Variants in SARM1 observed in about 807,000 individuals in gnomAD.
The protein encoded by SARM1 is NAD(+) hydrolase SARM1.
SARM1 carries 60 observed loss-of-function variants against 65.1 expected under a neutral mutation model. The ratio of observed to expected loss-of-function variants is 0.92; its 90% CI spans 0.75 to 1.14. The LOEUF (loss-of-function observed/expected upper bound fraction) is 1.14, where lower values mean the gene tolerates loss of function less well. Ranked by LOEUF, SARM1 falls within the 50% of genes most tolerant of loss-of-function variation. The pLI, the probability that SARM1 is intolerant of heterozygous loss-of-function variation, is 0.00. For synonymous variants in SARM1, 417 were observed against 465.4 expected (o/e 0.90, Z 1.34); for missense variants, 913 against 1,015.7 (o/e 0.90, Z 1.37).
Position 28,385,570 on chromosome 17 carries a change from C to A in SARM1, c.1630+295C>A. ...AGCACAGAGGAAGCCCAGCCCACCCCATCCACCCAGGTCTAGATTTCAGAG... is the reference window on the plus strand; with the variant it reads ...AGCACAGAGGAAGCCCAGCCCACCCAATCCACCCAGGTCTAGATTTCAGAG... On this transcript the variant is annotated intron_variant, in intron 5 of 8. Coordinates refer to ENST00000585482, the MANE Select transcript of SARM1 (RefSeq NM_015077.4). The surrounding 1 kb of genome is among the most constrained non-coding windows in gnomAD (Gnocchi z 4.5). The A allele has an allele frequency of 2.1e-6, 1 of 471,302 alleles. No individual in the cohort carries two copies. Among genetic ancestry groups the A allele is most frequent in the Non-Finnish European group, 3.8e-6 (1 of 265,616 alleles). The allele number at this position is 471,302 out of a possible 1,614,324, so 29.2% of individuals were successfully genotyped here. A position where few individuals can be genotyped will look rare whatever the true frequency, so the allele number is the denominator to read the frequency against.
In SARM1 at chr17:28,385,576, C is replaced by T. The variant is rs7218131; in HGVS notation, c.1630+301C>T. 45,361 of 453,030 alleles carry T rather than the reference C, an allele frequency of 0.1. 2,750 individuals are homozygous for T. Among genetic ancestry groups the T allele is most frequent in the East Asian group, 0.18 (4,506 of 24,732 alleles). The allele number at this position is 453,030 out of a possible 1,614,324, so 28.1% of individuals were successfully genotyped here. ...GAGGAAGCCCAGCCCACCCCATCCA[C>T]CCAGGTCTAGATTTCAGAGAGGACA... On this transcript the variant is annotated intron_variant, in intron 5 of 8. Transcript: ENST00000585482. The surrounding 1 kb of genome is among the most constrained non-coding windows in gnomAD (Gnocchi z 4.5).
chr17:28,388,594 T>C, intron 7 of SARM1, 55 bp downstream of exon 7: 2 of 1,546,542 alleles, frequency 1.3e-6, no homozygotes, highest in Admixed American at 1.7e-5. Context: ...GTCCAGAAGA[T>C]AGGGTCGTCT....
chr17:28,382,041 G>C (rs2068027858), intron 2 of SARM1, among the ~76,000 whole-genome samples: 1 of 152,158 alleles, frequency 6.6e-6, no homozygotes, highest in African/African-American at 2.4e-5. Context: ...TTTAAGCAAG[G>C]GGACACTTGT....
At position 28,399,814 on chromosome 17, in the gene SARM1, A is replaced by G; in HGVS notation, c.*3528A>G. Reference sequence around the variant, plus strand: ...TTTACTGGGGTGGGCTGGTCCAGGTAGCTCTCCTGAACCTCCTCCTTCCCC... The same window carrying G: ...TTTACTGGGGTGGGCTGGTCCAGGTGGCTCTCCTGAACCTCCTCCTTCCCC... On this transcript the variant is annotated 3_prime_UTR_variant, in exon 9 of 9. Transcript: ENST00000585482. The G allele has an allele frequency of 8.2e-7, 1 of 1,221,242 alleles. No homozygotes were observed. The highest frequency in any genetic ancestry group is 1.9e-4 in the Middle Eastern group (1 of 5,366). The allele number at this position is 1,221,242 out of a possible 1,614,324, so 75.7% of individuals were successfully genotyped here.
intron 1 of SARM1, among the ~76,000 whole-genome samples, chr17:28,378,630 GTTTTTGT>G (rs1175952331): frequency 1.3e-5 from 2 of 150,842 alleles, no homozygotes; most frequent in Non-Finnish European, 2.9e-5. Flanking sequence ...TTTTGTTTTT[GTTTTTGT>G]TTTTTGTTTT....
At chr17:28,390,878 C>G (rs1422511144) in intron 7 of SARM1, among the ~76,000 whole-genome samples, 2 of 152,202 alleles carry the variant, frequency 1.3e-5, no homozygotes, top group Non-Finnish European at 2.9e-5. Context: ...CATCTTGGTA[C>G]TGCTTTCTCC....
rs1375565898 is a variant in SARM1 at position 28,384,093 on chromosome 17, A to G, written c.1090-264A>G. Among the ~76,000 whole-genome samples the G allele has an allele frequency of 6.6e-6, 1 of 152,206 alleles. No homozygotes were observed. Among genetic ancestry groups the G allele is most frequent in the Non-Finnish European group, 1.5e-5 (1 of 68,040 alleles). On this transcript the variant is annotated intron_variant, in intron 2 of 8. Transcript: ENST00000585482. The surrounding 1 kb of genome is among the most constrained non-coding windows in gnomAD (Gnocchi z 4.4). ...TATGCTGAGAGCTCAACTTTATTCC[A>G]GGGCCGGTGGATGCTGTAGAAGGGA... is the stretch of plus-strand genomic sequence containing the variant.
rs2068027205 is a variant in SARM1 at position 28,381,840 on chromosome 17, T to C, written c.1089+19T>C. 3 of 1,424,166 alleles carry C rather than the reference T, an allele frequency of 2.1e-6. No homozygotes were observed. Among genetic ancestry groups the C allele is most frequent in the South Asian group, 1.5e-5 (1 of 65,104 alleles). The allele number at this position is 1,424,166 out of a possible 1,614,324, so 88.2% of individuals were successfully genotyped here. On this transcript the variant is annotated intron_variant, in intron 2 of 8. Coordinates refer to ENST00000585482, the MANE Select transcript of SARM1 (RefSeq NM_015077.4). ...GACCAAGGTGGGTGCAGATGTGGGGTTGGGTGGATCAGGGGTTAGAGAGCC... is the reference window on the plus strand; with the variant it reads ...GACCAAGGTGGGTGCAGATGTGGGGCTGGGTGGATCAGGGGTTAGAGAGCC...
At position 28,399,846 on chromosome 17, in the gene SARM1, A is replaced by G; in HGVS notation, c.*3560A>G. The G allele has an allele frequency of 1.2e-6, 1 of 851,640 alleles. No individual in the cohort carries two copies. The highest frequency in any genetic ancestry group is 2.0e-6 in the Non-Finnish European group (1 of 505,334). The allele number at this position is 851,640 out of a possible 1,614,324, so 52.8% of individuals were successfully genotyped here. On this transcript the variant is annotated 3_prime_UTR_variant, in exon 9 of 9. Transcript: ENST00000585482. ...CTGAACCTCCTCCTTCCCCAAGCTGAGAAGCTGAGAGCTGGAGGACAATAT... is the reference window on the plus strand; with the variant it reads ...CTGAACCTCCTCCTTCCCCAAGCTGGGAAGCTGAGAGCTGGAGGACAATAT...
Position 28,385,132 on chromosome 17 carries a change from C to T in SARM1, c.1487C>T (p.Pro496Leu). Residue 496 changes from proline to leucine, a missense_variant, in exon 5 of 9, where the codon CCG becomes CTG. Pro to Leu is a moderately conservative substitution (Grantham distance 98, BLOSUM62 -3). Coordinates refer to ENST00000585482, the MANE Select transcript of SARM1 (RefSeq NM_015077.4). This position sits in a 1 kb window ranked among gnomAD's most constrained non-coding sequence, Gnocchi z 4.5. ...GCGGACTGGCTGGGCAGCCTGGACC[C>T]GCGCTTCCGCCAGTACACCTACGGC... ...NLADWLGSLD[P>L]RFRQYTYGLV... 1 of 1,613,466 alleles carries T rather than the reference C, an allele frequency of 6.2e-7. No homozygotes were observed. The highest frequency in any genetic ancestry group is 8.5e-7 in the Non-Finnish European group (1 of 1,179,844).
chr17:28,381,390 C>G lies in SARM1; in HGVS notation c.658C>G (p.Pro220Ala). The G allele has an allele frequency of 6.4e-7, 1 of 1,557,598 alleles. No homozygotes were observed. Residue 220 changes from proline (P) to alanine (A), a missense_variant, in exon 2 of 9, where the codon CCC becomes GCC. Transcript: ENST00000585482. ...GCTGTATTGGTGCCGCCGCACGGACCCCGCGCTGCTGCGCCACTGCGCGCT... is the reference window on the plus strand; with the variant it reads ...GCTGTATTGGTGCCGCCGCACGGACGCCGCGCTGCTGCGCCACTGCGCGCT... ...AVLYWCRRTD[P>A]ALLRHCALAL... is the part of the protein sequence containing the mutation.
chr17:28,400,696 T>C lies in SARM1; in HGVS notation c.*4410T>C, dbSNP rs782352629. The C allele has an allele frequency of 7.4e-6, 12 of 1,611,144 alleles. No homozygotes were observed. In the South Asian group the frequency reaches 1.1e-4, roughly 15 times the overall value. The stretch of plus-strand genomic sequence containing the variant: ...TAAAGTTCAGAGTGGCTGGGTAGAG[T>C]GAGTTGAAGATGCCGGAGGCCGTCA... On this transcript the variant is annotated 3_prime_UTR_variant, in exon 9 of 9. Transcript: ENST00000585482.
At position 28,400,804 on chromosome 17, in the gene SARM1, G is replaced by C. The variant is rs1353158682; in HGVS notation, c.*4518G>C. 1.3e-6 allele frequency: 2 copies of C among 1,544,084 alleles called. No homozygotes were observed. Among genetic ancestry groups the C allele is most frequent in the African/African-American group, 2.7e-5 (2 of 72,896 alleles). The stretch of plus-strand genomic sequence containing the variant: ...AAATACCATACTCTGGAGTCCGAAA[G>C]GGCCATATTCCAACTCTGGCACCAC... On this transcript the variant is annotated 3_prime_UTR_variant, in exon 9 of 9. Coordinates refer to ENST00000585482, the MANE Select transcript of SARM1 (RefSeq NM_015077.4).
chr17:28,400,221 A>G lies in SARM1; in HGVS notation c.*3935A>G, dbSNP rs1217464676. 4.2e-5 allele frequency: 11 copies of G among 260,196 alleles called. No homozygotes were observed. Among genetic ancestry groups the G allele is most frequent in the African/African-American group, 2.4e-4 (11 of 45,086 alleles). The allele number at this position is 260,196 out of a possible 1,614,324, so 16.1% of individuals were successfully genotyped here. ...TGAAATATAATTCTTAATATCATAC[A>G]GGAAAAAGTCAGCGGGTCAAGCTAG... On this transcript the variant is annotated 3_prime_UTR_variant, in exon 9 of 9. Coordinates refer to ENST00000585482, the MANE Select transcript of SARM1 (RefSeq NM_015077.4).
At chr17:28,377,446 C>T (rs995908950) in intron 1 of SARM1, among the ~76,000 whole-genome samples, 1 of 151,862 alleles carries the variant, frequency 6.6e-6, no homozygotes, top group Non-Finnish European at 1.5e-5. Flanking sequence ...GAAAACAAAA[C>T]AAAAAAAATC....
intron 7 of SARM1, chr17:28,395,371 A>G (rs1031702944): frequency 1.9e-5 from 3 of 154,204 alleles, no homozygotes; most frequent in African/African-American, 7.3e-5. Flanking sequence ...GCCTTCTACC[A>G]CCTTCCCAGC....
In SARM1 at chr17:28,372,625, C is replaced by T; in HGVS notation, c.470+123C>T. On this transcript the variant is annotated intron_variant, in intron 1 of 8. Transcript: ENST00000585482. The surrounding 1 kb of genome is among the most constrained non-coding windows in gnomAD (Gnocchi z 5.2). ...ACCTCTCTGACTGCCTGCACTACAT[C>T]TCTGTTAGGGGTCAGCCTGTCTGTT... is the stretch of plus-strand genomic sequence containing the variant. 1.4e-6 allele frequency: 1 copy of T among 700,972 alleles called. No homozygotes were observed. Among genetic ancestry groups the T allele is most frequent in the South Asian group, 2.0e-5 (1 of 50,978 alleles). 43.4% of individuals were successfully genotyped at this position (700,972 alleles called of 1,614,324 possible).
At chr17:28,387,514 G>GC (rs5819842) in intron 5 of SARM1, among the ~76,000 whole-genome samples, 152,046 of 152,328 alleles carry the variant, frequency 1, 75,884 homozygotes, top group East Asian at 1. Flanking sequence ...GTGGGCCACT[G>GC]CCCTGGCCTA....
chr17:28,385,299 CGCCCCAGCCCCA>C lies in SARM1; in HGVS notation c.1630+34_1630+45del, dbSNP rs373985027. Reference sequence around the variant, plus strand: ...AGGTCAGCCCGCTCACCCGGGACCCCGCCCCAGCCCCAGCCCCAGCCACGGCCCTGGAATGGT... The same window carrying C: ...AGGTCAGCCCGCTCACCCGGGACCCCGCCCCAGCCACGGCCCTGGAATGGT... On this transcript the variant is annotated intron_variant, in intron 5 of 8. Transcript: ENST00000585482. This position sits in a 1 kb window ranked among gnomAD's most constrained non-coding sequence, Gnocchi z 4.5. 2.7e-6 allele frequency: 4 copies of C among 1,483,790 alleles called. No individual in the cohort carries two copies. In the South Asian group the frequency reaches 5.2e-5, roughly 19 times the overall value. 91.9% of individuals were successfully genotyped at this position (1,483,790 alleles called of 1,614,324 possible).
Sources: gnomAD v4.1 joint callset for allele counts (sites outside exome capture counted in the v4.1 genomes callset) on GRCh38, gnomAD v4.1.1 for gene constraint, Gnocchi (gnomAD v3.1) non-coding constraint, MANE v1.5 for transcripts, NCBI Gene and HGNC (gene_info 2026-07-23, HGNC 2026-07-21) for gene names.